GOLT1B: variants seen among roughly 807,000 people sequenced by gnomAD.
GOLT1B encodes the protein golgi transport 1B.
In GOLT1B, 3 loss-of-function variants were observed where a neutral mutation model predicts 15.4. The ratio of observed to expected loss-of-function variants is 0.19; its 90% CI spans 0.09 to 0.50. The LOEUF (loss-of-function observed/expected upper bound fraction) is 0.50, where lower values mean the gene tolerates loss of function less well. Ranked by LOEUF, GOLT1B falls within the 20% of genes least tolerant of loss-of-function variation. The pLI, the probability that GOLT1B is intolerant of heterozygous loss-of-function variation, is 0.97. For synonymous variants in GOLT1B, 65 were observed against 56.2 expected, an observed-to-expected ratio of 1.16 and a Z score of -0.70; for missense variants, 145 against 160.4, an observed-to-expected ratio of 0.90 and a Z score of 0.52.
intron 1 of GOLT1B, among the ~76,000 whole-genome samples, chr12:21,502,630 C>T (rs891919975): frequency 6.6e-6 from 1 of 152,148 alleles, no homozygotes; most frequent in African/African-American, 2.4e-5. Context: ...ATTATTTTAG[C>T]ATCGCTCTCT....
Position 21,508,390 on chromosome 12 carries a change from T to C in GOLT1B, c.125T>C (p.Phe42Ser). ...KALLAIGNVL[F>S]VAGLAFVIGL... is the part of the protein sequence containing the mutation. The stretch of plus-strand genomic sequence containing the variant: ...ATTTTCTTTCTCTTTTAGGTTTTAT[T>C]TGTAGCCGGCTTGGCTTTTGTAATT... Residue 42 changes from phenylalanine to serine, a missense_variant, in exon 3 of 5, where the codon TTT (phenylalanine) becomes TCT (serine). By Grantham distance (155) the Phe-to-Ser change is radical (BLOSUM62 -2). Transcript: ENST00000229314. 6.4e-7 allele frequency: 1 copy of C among 1,557,486 alleles called. No homozygotes were observed. The highest frequency in any genetic ancestry group is 8.7e-7 in the Non-Finnish European group (1 of 1,148,348).
Position 21,516,657 on chromosome 12 carries a change from A to C in GOLT1B, c.*950A>C, listed in dbSNP as rs1223544941. ...TTATTTGTTTTTCATAAATTAAAAT[A>C]ACTTTTGATAATGTTTACTTTAAGA... is the stretch of plus-strand genomic sequence containing the variant. On this transcript the variant is annotated 3_prime_UTR_variant, in exon 5 of 5. Transcript: ENST00000229314. 6.6e-6 allele frequency: 1 copy of C among 152,016 alleles called. No homozygotes were observed. The highest frequency in any genetic ancestry group is 6.6e-5 in the Admixed American group (1 of 15,262). 9.4% of individuals were successfully genotyped at this position (152,016 alleles called of 1,614,324 possible).
rs1254712436 is a variant in GOLT1B at position 21,506,444 on chromosome 12, C to T, written c.26-441C>T. On this transcript the variant is annotated intron_variant, in intron 1 of 4. Transcript: ENST00000229314. ...ATTTCTAATGCAGTAAAGAAGGAAT[C>T]AATTTTAAGAGGAAGAAAGAACTAC... 2.0e-5 allele frequency among the ~76,000 whole-genome samples: 3 copies of T among 151,764 alleles called. No individual in the cohort carries two copies. The East Asian group carries it at 5.8e-4, about 29-fold the overall frequency.
chr12:21,516,951 A>G lies in GOLT1B; in HGVS notation c.*1244A>G, dbSNP rs917208126. 5 of 152,484 alleles carry G rather than the reference A, an allele frequency of 3.3e-5. No individual in the cohort carries two copies. Among genetic ancestry groups the G allele is most frequent in the African/African-American group, 1.2e-4 (5 of 41,456 alleles). 9.4% of individuals were successfully genotyped at this position (152,484 alleles called of 1,614,324 possible). A position where few individuals can be genotyped will look rare whatever the true frequency, so the allele number is the denominator to read the frequency against. On this transcript the variant is annotated 3_prime_UTR_variant, in exon 5 of 5. Coordinates refer to ENST00000229314, the MANE Select transcript of GOLT1B (RefSeq NM_016072.5). ...TTTCCACCGTTGCTGATTATTAGAC[A>G]GTAGGAAATAGCTGTTTTCTTTAGT... is the stretch of plus-strand genomic sequence containing the variant.
chr12:21,516,239 G>C lies in GOLT1B; in HGVS notation c.*532G>C, dbSNP rs974855436. On this transcript the variant is annotated 3_prime_UTR_variant, in exon 5 of 5. Coordinates refer to ENST00000229314, the MANE Select transcript of GOLT1B (RefSeq NM_016072.5). ...TGGATTACTTTTTTTTGTAAACATG[G>C]TTAAAATAAAACTTTTGTGGTTCTT... 1 of 152,042 alleles carries C rather than the reference G, an allele frequency of 6.6e-6. No homozygotes were observed. Among genetic ancestry groups the C allele is most frequent in the African/African-American group, 2.4e-5 (1 of 41,398 alleles). 9.4% of individuals were successfully genotyped at this position (152,042 alleles called of 1,614,324 possible).
chr12:21,507,553 T>C lies in GOLT1B; in HGVS notation c.117+577T>C, dbSNP rs1258028323. ...GTATATATATATATACACACACACA[T>C]ATATATTTGGGCTTTTAACTGGAAA... On this transcript the variant is annotated intron_variant, in intron 2 of 4. Coordinates refer to ENST00000229314, the MANE Select transcript of GOLT1B (RefSeq NM_016072.5). Among the ~76,000 whole-genome samples the C allele has an allele frequency of 3.3e-5, 5 of 150,430 alleles. No homozygotes were observed. The South Asian group carries it at 6.3e-4, about 19-fold the overall frequency.
chr12:21,512,250 T>C (rs774342601), intron 3 of GOLT1B, 45 bp from the exon 4 acceptor site: 11 of 946,670 alleles, frequency 1.2e-5, no homozygotes, highest in South Asian at 7.0e-5. Flanking sequence ...ATTTTGAAAA[T>C]AGAAAATGTG....
intron 3 of GOLT1B, among the ~76,000 whole-genome samples, chr12:21,512,020 T>C (rs1943723496): frequency 6.6e-6 from 1 of 152,194 alleles, no homozygotes; most frequent in Admixed American, 6.5e-5. Flanking sequence ...AGCCCCTTTC[T>C]TTTTATCAGT....
At chr12:21,508,234 T>G in intron 2 of GOLT1B, 149 bp from the exon 3 acceptor site, 1 of 599,176 alleles carries the variant, frequency 1.7e-6, no homozygotes, top group Non-Finnish European at 2.9e-6. Flanking sequence ...TGCTGCTTGG[T>G]TGTACATTAC....
Position 21,516,650 on chromosome 12 carries a change from T to G in GOLT1B, c.*943T>G, listed in dbSNP as rs1188959624. The G allele has an allele frequency of 6.6e-6, 1 of 152,088 alleles. No individual in the cohort carries two copies. The highest frequency in any genetic ancestry group is 1.5e-5 in the Non-Finnish European group (1 of 67,924). 9.4% of individuals were successfully genotyped at this position (152,088 alleles called of 1,614,324 possible). A position where few individuals can be genotyped will look rare whatever the true frequency, so the allele number is the denominator to read the frequency against. On this transcript the variant is annotated 3_prime_UTR_variant, in exon 5 of 5. Transcript: ENST00000229314. ...TGGCTTATTATTTGTTTTTCATAAA[T>G]TAAAATAACTTTTGATAATGTTTAC...
Position 21,515,991 on chromosome 12 carries a change from A to T in GOLT1B, c.*284A>T, listed in dbSNP as rs1232105412. On this transcript the variant is annotated 3_prime_UTR_variant, in exon 5 of 5. Coordinates refer to ENST00000229314, the MANE Select transcript of GOLT1B (RefSeq NM_016072.5). Reference sequence around the variant, plus strand: ...TGAAGGCTATTTGTGTTGTTTTTCCACAATGTGCGAAACTCAGCCATCCTT... The same window carrying T: ...TGAAGGCTATTTGTGTTGTTTTTCCTCAATGTGCGAAACTCAGCCATCCTT... 6.7e-5 allele frequency: 20 copies of T among 296,474 alleles called. No individual in the cohort carries two copies. The allele number at this position is 296,474 out of a possible 1,614,324, so 18.4% of individuals were successfully genotyped here.
rs1454166093 is a variant in GOLT1B at position 21,516,302 on chromosome 12, A to G, written c.*595A>G. On this transcript the variant is annotated 3_prime_UTR_variant, in exon 5 of 5. Coordinates refer to ENST00000229314, the MANE Select transcript of GOLT1B (RefSeq NM_016072.5). ...ATTTCAAAGCCAGGTGAAAATCTGA[A>G]CTAGATATTCTTTGTTGGAATATGC... is the stretch of plus-strand genomic sequence containing the variant. The G allele has an allele frequency of 2.0e-5, 3 of 152,120 alleles. No homozygotes were observed. Among genetic ancestry groups the G allele is most frequent in the Non-Finnish European group, 4.4e-5 (3 of 67,952 alleles). 9.4% of individuals were successfully genotyped at this position (152,120 alleles called of 1,614,324 possible).
chr12:21,509,450 G>C (rs1943704361), intron 3 of GOLT1B, among the ~76,000 whole-genome samples: 1 of 150,030 alleles, frequency 6.7e-6, no homozygotes, highest in Admixed American at 6.7e-5. Flanking sequence ...CTTTAAGTAG[G>C]GTTGAGCTTA....
intron 1 of GOLT1B, among the ~76,000 whole-genome samples, chr12:21,505,214 C>T (rs1943670916): frequency 6.6e-6 from 1 of 152,140 alleles, no homozygotes; most frequent in Non-Finnish European, 1.5e-5. Flanking sequence ...AGGTGTCTTT[C>T]CATATACCTT....
At chr12:21,512,253 A>G in intron 3 of GOLT1B, 42 bp from the exon 4 acceptor site, 1 of 957,260 alleles carries the variant, frequency 1.0e-6, no homozygotes, top group Non-Finnish European at 1.7e-6. Flanking sequence ...TTGAAAATAG[A>G]AAATGTGTAA....
Position 21,515,659 on chromosome 12 carries a change from C to A in GOLT1B, c.379-10C>A. ...CTTTCTTTAATTCTCTGTTTTTCTT[C>A]TCCTTACAGTTTGTAGATAAAGTTG... On this transcript the variant is annotated splice_polypyrimidine_tract_variant and intron_variant, in intron 4 of 4. Coordinates refer to ENST00000229314, the MANE Select transcript of GOLT1B (RefSeq NM_016072.5). The A allele has an allele frequency of 7.6e-7, 1 of 1,308,486 alleles. No homozygotes were observed. The highest frequency in any genetic ancestry group is 1.1e-6 in the Non-Finnish European group (1 of 916,600). 81.1% of individuals were successfully genotyped at this position (1,308,486 alleles called of 1,614,324 possible). A position where few individuals can be genotyped will look rare whatever the true frequency, so the allele number is the denominator to read the frequency against.
intron 3 of GOLT1B, among the ~76,000 whole-genome samples, chr12:21,508,938 G>T (rs1439118559): frequency 1.4e-5 from 2 of 138,080 alleles, no homozygotes; most frequent in Non-Finnish European, 3.3e-5. Context: ...ATTTTGGTGT[G>T]TAGAATCTTA....
Position 21,501,804 on chromosome 12 carries a change from G to T in GOLT1B, c.-120G>T. On this transcript the variant is annotated 5_prime_UTR_variant, in exon 1 of 5. Transcript: ENST00000229314. ...TTAAAGCGGCAGTGAGGGTGGCTGC[G>T]TGTTTCCGGAAGACGTGGCGGCTCT... 1 of 728,902 alleles carries T rather than the reference G, an allele frequency of 1.4e-6. No individual in the cohort carries two copies. Among genetic ancestry groups the T allele is most frequent in the South Asian group, 1.5e-5 (1 of 65,930 alleles). 45.2% of individuals were successfully genotyped at this position (728,902 alleles called of 1,614,324 possible). A position where few individuals can be genotyped will look rare whatever the true frequency, so the allele number is the denominator to read the frequency against.
In GOLT1B at chr12:21,506,918, T is replaced by G; in HGVS notation, c.59T>G (p.Phe20Cys). 3 of 1,512,872 alleles carry G rather than the reference T, an allele frequency of 2.0e-6. No individual in the cohort carries two copies. In the South Asian group the frequency reaches 3.4e-5, roughly 17 times the overall value. The allele number at this position is 1,512,872 out of a possible 1,614,324, so 93.7% of individuals were successfully genotyped here. The change falls in exon 2 of 5, where the codon TTT becomes TGT. Residue 20 changes from phenylalanine (F) to cysteine (C), a missense_variant. Physicochemically the swap from Phe to Cys is radical, Grantham distance 205 (BLOSUM62 -2). Transcript: ENST00000229314. ...ATGGGATTAACAGGATTTGGAGTGT[T>G]TTTCCTGTTCTTTGGAATGATTCTC... ...IGMGLTGFGV[F>C]FLFFGMILFF... is the part of the protein sequence containing the mutation.
Sources: allele counts gnomAD v4.1 joint callset (sites outside exome capture counted in the v4.1 genomes callset), GRCh38; gene constraint gnomAD v4.1.1; transcripts MANE v1.5; gene names NCBI Gene and HGNC (gene_info 2026-07-23, HGNC 2026-07-21).